Variants in HELLS observed in about 807,000 individuals in gnomAD.
HELLS encodes the protein helicase, lymphoid specific.
A neutral mutation model predicts 120.0 loss-of-function variants in HELLS; 32 were observed. That is an observed-to-expected ratio of 0.27 (90% confidence interval 0.20 to 0.36). The LOEUF (loss-of-function observed/expected upper bound fraction) is 0.36, where lower values mean the gene tolerates loss of function less well. Among genes scored for constraint, HELLS ranks in the 10% least tolerant of loss-of-function variants. The probability of loss-of-function intolerance (pLI) is 1.00; values close to 1 mark genes in which losing one functional copy is unlikely to be tolerated. For missense variants in HELLS, 650 were observed against 993.4 expected, an observed-to-expected ratio of 0.65 and a Z score of 4.65; for synonymous variants, 341 against 323.4, an observed-to-expected ratio of 1.05 and a Z score of -0.58.
chr10:94,560,785 G>C (rs888317987), intron 4 of HELLS, among the ~76,000 whole-genome samples: 20 of 152,198 alleles, frequency 1.3e-4, no homozygotes, highest in African/African-American at 4.6e-4. Context: ...GCCAGGCACG[G>C]TGGCTCACGC....
chr10:94,595,680 G>T (rs569881674), intron 19 of HELLS, among the ~76,000 whole-genome samples: 8 of 152,142 alleles, frequency 5.3e-5, no homozygotes, highest in African/African-American at 1.9e-4. Context: ...AAAAAGTTTT[G>T]TTCCTGAGAT....
chr10:94,565,095 G>T (rs1843725573), intron 6 of HELLS, among the ~76,000 whole-genome samples: 1 of 152,238 alleles, frequency 6.6e-6, no homozygotes, highest in Non-Finnish European at 1.5e-5. Flanking sequence ...CCAGCATTTT[G>T]GGAGGCTGAG....
At chr10:94,605,072 T>TCCCCCCCCC (rs3054948), downstream of HELLS, among the ~76,000 whole-genome samples, 1 of 66,824 alleles carries the variant, frequency 1.5e-5, no homozygotes, top group African/African-American at 7.6e-5. Context: ...GTCTTGTGTC[T>TCCCCCCCCC]CCCCCCCCCC....
At chr10:94,570,038 T>A (rs1041145442) in intron 6 of HELLS, 2 of 151,608 alleles carry the variant, frequency 1.3e-5, no homozygotes, top group African/African-American at 2.4e-5. Flanking sequence ...TTTATTTTTT[T>A]TTTTATTTTT....
At chr10:94,595,468 T>C (rs1845695640) in intron 19 of HELLS, among the ~76,000 whole-genome samples, 1 of 152,228 alleles carries the variant, frequency 6.6e-6, no homozygotes, top group African/African-American at 2.4e-5. Flanking sequence ...TGTATTAAAA[T>C]ATTAAGTGTA....
chr10:94,581,398 G>A lies in HELLS; in HGVS notation c.1105G>A (p.Glu369Lys). 2 of 1,611,418 alleles carry A rather than the reference G, an allele frequency of 1.2e-6. No homozygotes were observed. The highest frequency in any genetic ancestry group is 1.7e-6 in the Non-Finnish European group (2 of 1,177,990). Residue 369 changes from glutamate to lysine, a missense_variant, in exon 11 of 22, where the codon GAG (glutamate) becomes AAG (lysine). By Grantham distance (56) the Glu-to-Lys change is moderately conservative. This residue lies in a region of HELLS where 48 missense variants were observed against 127.0 expected (regional missense o/e 0.38). Transcript: ENST00000348459. ...GAATATGAAGTGCCGTCTAATCAGG[G>A]AGTTAAAACGATTCAATGCTGATAA... is the stretch of plus-strand genomic sequence containing the variant. Reference protein sequence around the residue: ...IKNMKCRLIRELKRFNADNKL... With the variant: ...IKNMKCRLIRKLKRFNADNKL...
intron 2 of HELLS, among the ~76,000 whole-genome samples, chr10:94,546,980 C>G (rs945177832): frequency 6.6e-6 from 1 of 152,158 alleles, no homozygotes; most frequent in African/African-American, 2.4e-5. Context: ...CTGTTTTCCA[C>G]CTAAGTGATC....
At chr10:94,565,227 C>T (rs1004942714) in intron 6 of HELLS, among the ~76,000 whole-genome samples, 2 of 152,176 alleles carry the variant, frequency 1.3e-5, no homozygotes, top group Non-Finnish European at 2.9e-5. Flanking sequence ...GTCCTAGCTA[C>T]TCAGGAGGCT....
intron 2 of HELLS, among the ~76,000 whole-genome samples, chr10:94,547,763 G>A (rs1842805974): frequency 2.0e-5 from 3 of 152,274 alleles, no homozygotes; most frequent in South Asian, 4.1e-4. Flanking sequence ...GGTTGTTTGG[G>A]TGCCACAGTT....
intron 7 of HELLS, among the ~76,000 whole-genome samples, chr10:94,571,726 G>T (rs112670592): frequency 6.6e-6 from 1 of 152,164 alleles, no homozygotes; most frequent in Non-Finnish European, 1.5e-5. Flanking sequence ...TAACCATGTG[G>T]ATATAAACCG....
intron 6 of HELLS, chr10:94,569,741 G>T (rs1844041058): frequency 6.6e-6 from 1 of 152,068 alleles, no homozygotes; most frequent in African/African-American, 2.4e-5. Flanking sequence ...TTACCGCTGT[G>T]ATCTGCTTAG....
At chr10:94,578,927 T>C (rs1844662823) in intron 10 of HELLS, among the ~76,000 whole-genome samples, 1 of 152,138 alleles carries the variant, frequency 6.6e-6, no homozygotes, top group African/African-American at 2.4e-5. Flanking sequence ...GGCCATAATG[T>C]GAGCAGTGGG....
intron 7 of HELLS, among the ~76,000 whole-genome samples, chr10:94,573,540 C>T (rs1255797683): frequency 6.6e-6 from 1 of 151,852 alleles, no homozygotes; most frequent in African/African-American, 2.4e-5. Context: ...GTTCATGGCT[C>T]ACTGCAGCCT....
Position 94,546,467 on chromosome 10 carries a change from G to T in HELLS, c.122G>T (p.Gly41Val). 6.2e-7 allele frequency: 1 copy of T among 1,614,152 alleles called. No homozygotes were observed. The highest frequency in any genetic ancestry group is 2.2e-5 in the East Asian group (1 of 44,878). The change falls in exon 2 of 22, where the codon GGA becomes GTA. Residue 41 changes from glycine (G) to valine (V), a missense_variant. By Grantham distance (109) the Gly-to-Val change is moderately radical (BLOSUM62 -3). Transcript: ENST00000348459. ...LEEEEQLEAAGLERERKMLEK... is the reference protein window; with the variant it reads ...LEEEEQLEAAVLERERKMLEK... ...GAGGAAGAACAGCTTGAAGCTGCTG[G>T]ACTAGAGAGAGAGCGGAAGATGCTG...
intron 3 of HELLS, 60 bp downstream of exon 3, chr10:94,554,308 GA>G: frequency 7.9e-7 from 1 of 1,260,566 alleles, no homozygotes. Flanking sequence ...TAGCTTTATT[GA>G]AGTGTATATT....
chr10:94,574,016 T>C lies in HELLS; in HGVS notation c.534T>C (p.Asp178=), dbSNP rs1288847119. ...TGGAAGATCTTCAGAAAAATAAAGATTCGAATAGTATAATTAAAGATAGAT... is the reference window on the plus strand; with the variant it reads ...TGGAAGATCTTCAGAAAAATAAAGACTCGAATAGTATAATTAAAGATAGAT... ...LCVEDLQKNK[D]SNSIIKDRLS... is the part of the protein sequence containing the mutation. The change falls in exon 8 of 22, where the codon GAT becomes GAC. Residue 178 remains aspartate, a synonymous_variant. Coordinates refer to ENST00000348459, the MANE Select transcript of HELLS (RefSeq NM_018063.5). 1 of 1,611,432 alleles carries C rather than the reference T, an allele frequency of 6.2e-7. No homozygotes were observed. Among genetic ancestry groups the C allele is most frequent in the Non-Finnish European group, 8.5e-7 (1 of 1,177,586 alleles).
In HELLS at chr10:94,576,653, AT is replaced by A; in HGVS notation, c.889-4del. On this transcript the variant is annotated splice_polypyrimidine_tract_variant and splice_region_variant and intron_variant, in intron 9 of 21. Transcript: ENST00000348459. ...TAAGTCTGATAAAAATCAATATAAA[AT>A]TTTTCAGATCCCTACAATGTTATAT... 1 of 1,501,036 alleles carries A rather than the reference AT, an allele frequency of 6.7e-7. No individual in the cohort carries two copies. 93.0% of individuals were successfully genotyped at this position (1,501,036 alleles called of 1,614,324 possible).
chr10:94,553,102 C>G (rs896504240), intron 2 of HELLS, among the ~76,000 whole-genome samples: 4 of 152,160 alleles, frequency 2.6e-5, no homozygotes, highest in African/African-American at 9.7e-5. Flanking sequence ...ACTCTGAAAA[C>G]TTGTCTTAGA....
chr10:94,576,941 C>A (rs561598186), intron 10 of HELLS, 136 bp downstream of exon 10: 2 of 703,102 alleles, frequency 2.8e-6, no homozygotes, highest in African/African-American at 1.8e-5. Flanking sequence ...TGTGCATATA[C>A]CTGTAGAAGC....
Sources: allele counts gnomAD v4.1 joint callset (sites outside exome capture counted in the v4.1 genomes callset), GRCh38; gene constraint gnomAD v4.1.1; regional missense constraint gnomAD v4.1.1; transcripts MANE v1.5; gene names NCBI Gene and HGNC (gene_info 2026-07-23, HGNC 2026-07-21).